The following MACO1 variants were observed in gnomAD, a reference collection of about 807,000 sequenced individuals.
MACO1 encodes the protein macoilin.
MACO1 carries 14 observed loss-of-function variants against 78.7 expected under a neutral mutation model. The observed-to-expected ratio is 0.18, with a 90% confidence interval of 0.12 to 0.28. The LOEUF (loss-of-function observed/expected upper bound fraction) is 0.28. Ranked by LOEUF, MACO1 falls within the 10% of genes least tolerant of loss-of-function variation. The probability of loss-of-function intolerance (pLI) is 1.00; values close to 1 mark genes in which losing one functional copy is unlikely to be tolerated. For missense variants in MACO1, 501 were observed against 799.0 expected (o/e 0.63, Z 4.50); for synonymous variants, 288 against 291.6 (o/e 0.99, Z 0.12).
chr1:25,483,327 A>G (rs1347258392), intron 6 of MACO1, among the ~76,000 whole-genome samples: 11 of 152,254 alleles, frequency 7.2e-5, no homozygotes, highest in Non-Finnish European at 1.5e-5. Flanking sequence ...CTGGGATTAC[A>G]GGCATGAGCC....
chr1:25,456,576 T>C, intron 4 of MACO1, 77 bp from the exon 5 acceptor site: 5 of 1,430,972 alleles, frequency 3.5e-6, no homozygotes, highest in Non-Finnish European at 4.8e-6. Flanking sequence ...TTTTAAGCCA[T>C]AGGTATTCTC....
At chr1:25,486,955 T>C (rs1050583190) in intron 8 of MACO1, among the ~76,000 whole-genome samples, 1 of 152,100 alleles carries the variant, frequency 6.6e-6, no homozygotes, top group African/African-American at 2.4e-5. Flanking sequence ...TGCTCTCCTC[T>C]CTCCTCAATT....
intron 3 of MACO1, among the ~76,000 whole-genome samples, chr1:25,449,174 T>G (rs1354505911): frequency 6.6e-6 from 1 of 152,132 alleles, no homozygotes; most frequent in Non-Finnish European, 1.5e-5. Context: ...CAGCTCTCAC[T>G]CTGAATATAT....
intron 1 of MACO1, among the ~76,000 whole-genome samples, chr1:25,437,443 C>T (rs1018804351): frequency 1.3e-5 from 2 of 151,920 alleles, no homozygotes; most frequent in African/African-American, 2.4e-5. Context: ...AGGCATGAGC[C>T]ACCGCACCCA....
At chr1:25,453,620 G>A (rs1304495875) in intron 3 of MACO1, among the ~76,000 whole-genome samples, 6 of 135,540 alleles carry the variant, frequency 4.4e-5, no homozygotes, top group South Asian at 2.3e-4. Flanking sequence ...CCGAGATCAC[G>A]CCACTGCACT....
chr1:25,480,929 A>AAAAAATATATTT (rs1553166539), intron 6 of MACO1, among the ~76,000 whole-genome samples: 2 of 47,938 alleles, frequency 4.2e-5, no homozygotes, highest in Non-Finnish European at 6.9e-5. Context: ...AAAAAAAAAA[A>AAAAAATATATTT]ATATATATAT....
intron 6 of MACO1, among the ~76,000 whole-genome samples, chr1:25,480,975 T>TATATATATATATA (rs2043372106): frequency 4.7e-5 from 6 of 128,252 alleles, no homozygotes; most frequent in Admixed American, 8.3e-5. Context: ...TATATATATA[T>TATATATATATATA]TTCATGTTCT....
At chr1:25,487,870 T>C (rs1250708034) in intron 8 of MACO1, among the ~76,000 whole-genome samples, 2 of 152,190 alleles carry the variant, frequency 1.3e-5, no homozygotes, top group Non-Finnish European at 2.9e-5. Flanking sequence ...TCTCAGTTCT[T>C]ATCCCTATTC....
rs151150941 is a variant in MACO1, at chr1:25,499,336, A to G, written c.*870A>G. The G allele has an allele frequency of 2.0e-4, 31 of 152,252 alleles. No individual in the cohort carries two copies. The highest frequency in any genetic ancestry group is 4.3e-4 in the Non-Finnish European group (29 of 68,024). The allele number at this position is 152,252 out of a possible 1,614,324, so 9.4% of individuals were successfully genotyped here. ...TCTGTTTCTTTGAATAGAAAGCACC[A>G]CAGTGTTTTGCACTTGCCTCCAGTA... On this transcript the variant is annotated 3_prime_UTR_variant, in exon 11 of 11. Transcript: ENST00000374343.
intron 10 of MACO1, among the ~76,000 whole-genome samples, chr1:25,494,878 T>C (rs897505050): frequency 6.6e-6 from 1 of 152,168 alleles, no homozygotes; most frequent in African/African-American, 2.4e-5. Context: ...ACTTTGGGCC[T>C]AAACCAAAGA....
In MACO1 at chr1:25,485,613, G is replaced by T; in HGVS notation, c.1314G>T (p.Lys438Asn). 6.2e-7 allele frequency: 1 copy of T among 1,610,848 alleles called. No individual in the cohort carries two copies. The highest frequency in any genetic ancestry group is 8.5e-7 in the Non-Finnish European group (1 of 1,179,154). Reference protein sequence around the residue: ...LRQENELLQNKLHNAVQMKQK... With the variant: ...LRQENELLQNNLHNAVQMKQK... ...TTATATGACAATCATTTCCATATAG[G>T]TTACATAATGCTGTGCAAATGAAGC... Residue 438 changes from lysine to asparagine, a missense_variant and splice_region_variant, in exon 8 of 11, where the codon AAG (lysine) becomes AAT (asparagine). By Grantham distance (94) the Lys-to-Asn change is moderately conservative. This residue lies in a region of MACO1 where 163 missense variants were observed against 271.9 expected (regional missense o/e 0.60). Transcript: ENST00000374343. The surrounding 1 kb of genome is among the most constrained non-coding windows in gnomAD (Gnocchi z 4.3).
intron 1 of MACO1, among the ~76,000 whole-genome samples, chr1:25,433,872 C>T (rs1378885517): frequency 1.3e-5 from 2 of 152,296 alleles, no homozygotes; most frequent in East Asian, 1.9e-4. Flanking sequence ...CACAGTTTAA[C>T]GTGTGGTTAA....
At chr1:25,445,661 A>C (rs909649394) in intron 1 of MACO1, among the ~76,000 whole-genome samples, 2 of 150,714 alleles carry the variant, frequency 1.3e-5, no homozygotes, top group African/African-American at 4.9e-5. Flanking sequence ...TCTTATTGGA[A>C]TATATTTCAA....
intron 6 of MACO1, among the ~76,000 whole-genome samples, chr1:25,469,561 C>T (rs2043248843): frequency 6.6e-6 from 1 of 151,748 alleles, no homozygotes; most frequent in Non-Finnish European, 1.5e-5. Context: ...TAGGAATTCA[C>T]AGACTTTCAT....
chr1:25,461,015 G>C (rs2043166187), intron 6 of MACO1, among the ~76,000 whole-genome samples: 1 of 151,976 alleles, frequency 6.6e-6, no homozygotes, highest in Non-Finnish European at 1.5e-5. Flanking sequence ...TATACACCAT[G>C]GAATACTATG....
intron 8 of MACO1, 82 bp from the exon 9 acceptor site, chr1:25,489,091 G>T: frequency 1.3e-6 from 2 of 1,501,968 alleles, no homozygotes. Context: ...AAAGTGCTGG[G>T]ATTACAGGCC....
chr1:25,448,505 A>G (rs1237567160), intron 2 of MACO1, among the ~76,000 whole-genome samples: 1 of 152,182 alleles, frequency 6.6e-6, no homozygotes, highest in Non-Finnish European at 1.5e-5. Flanking sequence ...TCTTTCAGGT[A>G]ACCCACATTT....
intron 2 of MACO1, among the ~76,000 whole-genome samples, chr1:25,447,439 A>G (rs1257960033): frequency 6.6e-6 from 1 of 152,240 alleles, no homozygotes; most frequent in African/African-American, 2.4e-5. Context: ...TTTAAAATAC[A>G]CACTTATTAA....
At chr1:25,493,932 C>T (rs974210349) in intron 10 of MACO1, among the ~76,000 whole-genome samples, 2 of 151,840 alleles carry the variant, frequency 1.3e-5, no homozygotes, top group African/African-American at 4.8e-5. Context: ...GGGGTTTCAC[C>T]GTGTTAGCCA....
Sources: gnomAD v4.1 joint callset for allele counts (sites outside exome capture counted in the v4.1 genomes callset) on GRCh38, gnomAD v4.1.1 for gene constraint, gnomAD v4.1.1 regional missense constraint, Gnocchi (gnomAD v3.1) non-coding constraint, MANE v1.5 for transcripts, NCBI Gene and HGNC (gene_info 2026-07-23, HGNC 2026-07-21) for gene names.